FCRL1: variants seen among roughly 807,000 people sequenced by gnomAD.
FCRL1 encodes Fc receptor-like protein 1.
FCRL1 carries 34 observed loss-of-function variants against 49.2 expected under a neutral mutation model. That is an observed-to-expected ratio of 0.69 (90% CI 0.53 to 0.92). The LOEUF is 0.92. FCRL1 is among the 40% of genes least tolerant of loss of function. The pLI is 0.00. For missense variants in FCRL1, 524 were observed against 524.1 expected (o/e 1.00, Z 0.00); for synonymous variants, 218 against 201.6 (o/e 1.08, Z -0.69).
intron 1 of FCRL1, among the ~76,000 whole-genome samples, chr1:157,816,173 G>A (rs376648473): frequency 3.9e-5 from 6 of 151,976 alleles, no homozygotes; most frequent in African/African-American, 4.8e-5. Flanking sequence ...TGATATCTCC[G>A]ATAGACATAG....
chr1:157,816,278 T>C (rs1455956844), intron 1 of FCRL1, among the ~76,000 whole-genome samples: 2 of 151,920 alleles, frequency 1.3e-5, no homozygotes, highest in Non-Finnish European at 2.9e-5. Context: ...ATTTCAGGGA[T>C]GAAAGGATGG....
chr1:157,804,866 T>G (rs1281107912), intron 2 of FCRL1, among the ~76,000 whole-genome samples: 2 of 151,408 alleles, frequency 1.3e-5, no homozygotes, highest in African/African-American at 2.4e-5. Context: ...TCTTTTTTTT[T>G]TTTTCCTTTT....
intron 6 of FCRL1, 128 bp downstream of exon 6, chr1:157,801,333 G>C: frequency 1.4e-6 from 1 of 701,544 alleles, no homozygotes. Flanking sequence ...CGCTGGCTTT[G>C]TGGGCAGAAA....
chr1:157,805,199 T>C (rs1653225870), intron 2 of FCRL1, among the ~76,000 whole-genome samples: 3 of 152,150 alleles, frequency 2.0e-5, no homozygotes, highest in Admixed American at 6.5e-5. Context: ...AATTGTGCTC[T>C]GCTCTCTCCT....
intron 1 of FCRL1, among the ~76,000 whole-genome samples, chr1:157,809,276 C>A (rs1653947619): frequency 6.6e-6 from 1 of 151,978 alleles, no homozygotes; most frequent in African/African-American, 2.4e-5. Flanking sequence ...AAGATCCAAG[C>A]CAGATGCAGT....
chr1:157,814,295 A>G (rs563234318), intron 1 of FCRL1, among the ~76,000 whole-genome samples: 9 of 152,140 alleles, frequency 5.9e-5, no homozygotes, highest in Non-Finnish European at 1.2e-4. Flanking sequence ...GTTAAGAAAT[A>G]CACAATACAA....
chr1:157,807,601 T>G (rs759208610), intron 1 of FCRL1, among the ~76,000 whole-genome samples: 13 of 152,046 alleles, frequency 8.6e-5, no homozygotes, highest in Non-Finnish European at 1.6e-4. Context: ...GCAAGGAGAG[T>G]GCACAGCCTC....
intron 2 of FCRL1, among the ~76,000 whole-genome samples, chr1:157,805,010 C>A (rs1194821415): frequency 6.6e-6 from 1 of 152,074 alleles, no homozygotes; most frequent in Non-Finnish European, 1.5e-5. Flanking sequence ...CAGGCACATG[C>A]CACCAAGCCC....
At chr1:157,812,387 G>T (rs1654450474) in intron 1 of FCRL1, among the ~76,000 whole-genome samples, 1 of 152,080 alleles carries the variant, frequency 6.6e-6, no homozygotes, top group South Asian at 2.1e-4. Flanking sequence ...CAGAGCAGGG[G>T]CCACTACTGT....
At chr1:157,810,357 C>T (rs1285985547) in intron 1 of FCRL1, among the ~76,000 whole-genome samples, 1 of 150,736 alleles carries the variant, frequency 6.6e-6, no homozygotes, top group Non-Finnish European at 1.5e-5. Flanking sequence ...AATGCAGTGG[C>T]ATGATCTTGG....
intron 4 of FCRL1, 43 bp downstream of exon 4, chr1:157,802,334 C>T (rs753810194): frequency 6.3e-7 from 1 of 1,599,528 alleles, no homozygotes; most frequent in Non-Finnish European, 8.5e-7. Context: ...ATGTGGAGCC[C>T]AGTTTGTGAC....
intron 1 of FCRL1, among the ~76,000 whole-genome samples, chr1:157,819,190 C>T (rs1321466025): frequency 6.6e-6 from 1 of 152,084 alleles, no homozygotes; most frequent in East Asian, 1.9e-4. Flanking sequence ...GATAATGGAG[C>T]AACATGGACT....
intron 1 of FCRL1, among the ~76,000 whole-genome samples, chr1:157,811,713 G>A (rs940550782): frequency 1.3e-5 from 2 of 152,156 alleles, no homozygotes; most frequent in East Asian, 1.9e-4. Flanking sequence ...GGGGGCAGTA[G>A]TCACTGCATC....
chr1:157,801,950 G>GC lies in FCRL1; in HGVS notation c.850dup (p.Ala284GlyfsTer5). On this transcript the variant is annotated frameshift_variant, in exon 5 of 11. Coordinates refer to ENST00000368176, the MANE Select transcript of FCRL1 (RefSeq NM_052938.5). LOFTEE classifies it high-confidence loss of function. ...GAGTGTCACCGCCTCACTGCGCTGG[G>GC]CCCCCAGGCCATTGTTGGCCTCACA... is the stretch of plus-strand genomic sequence containing the variant. The GC allele has an allele frequency of 6.2e-7, 1 of 1,614,172 alleles. No homozygotes were observed. The highest frequency in any genetic ancestry group is 8.5e-7 in the Non-Finnish European group (1 of 1,180,004).
In FCRL1 at chr1:157,806,997, T is replaced by C. The variant is rs1571381320; in HGVS notation, c.52+105A>G. 2.4e-6 allele frequency: 3 copies of C among 1,270,804 alleles called. No individual in the cohort carries two copies. The African/African-American group carries it at 4.4e-5, about 19-fold the overall frequency. 78.7% of individuals were successfully genotyped at this position (1,270,804 alleles called of 1,614,324 possible). A position where few individuals can be genotyped will look rare whatever the true frequency, so the allele number is the denominator to read the frequency against. On this transcript the variant is annotated intron_variant, in intron 2 of 10. Coordinates refer to ENST00000368176, the MANE Select transcript of FCRL1 (RefSeq NM_052938.5). The stretch of plus-strand genomic sequence containing the variant: ...TCAGCAGCTGTCACCCTGATATGTT[T>C]TGGGCAGGAAGGGGCTGCTAAGACA...
At position 157,820,073 on chromosome 1, in the gene FCRL1, C is replaced by G. The variant is rs1191322288; in HGVS notation, c.-36G>C. On this transcript the variant is annotated 5_prime_UTR_variant, in exon 1 of 11. Transcript: ENST00000368176. Reference sequence around the variant, plus strand: ...TCAGGGATGGTACCTAGAGATGCCTCTCATCAAAAAAAGAATGCACCTCAG... The same window carrying G: ...TCAGGGATGGTACCTAGAGATGCCTGTCATCAAAAAAAGAATGCACCTCAG... The G allele has an allele frequency of 6.2e-7, 1 of 1,613,436 alleles. No homozygotes were observed. The highest frequency in any genetic ancestry group is 1.7e-5 in the Admixed American group (1 of 59,928).
intron 1 of FCRL1, among the ~76,000 whole-genome samples, chr1:157,810,992 G>T (rs1190072915): frequency 1.3e-5 from 2 of 151,936 alleles, no homozygotes; most frequent in Admixed American, 6.6e-5. Flanking sequence ...TGTTGCCCAG[G>T]CTGGTCTGAA....
intron 2 of FCRL1, among the ~76,000 whole-genome samples, chr1:157,804,853 TTTTC>T: frequency 7.2e-6 from 1 of 138,054 alleles, no homozygotes; most frequent in South Asian, 2.2e-4. Flanking sequence ...GCTCTTTTCT[TTTTC>T]TTTTTTTTTT....
At chr1:157,796,304 CTG>C (rs893017671) in intron 10 of FCRL1, 134 bp from the exon 11 acceptor site, 1 of 722,110 alleles carries the variant, frequency 1.4e-6, no homozygotes, top group Non-Finnish European at 2.4e-6. Flanking sequence ...TCTTGGAAAA[CTG>C]TGGTCCAAGG....
Sources: gnomAD v4.1 joint callset for allele counts (sites outside exome capture counted in the v4.1 genomes callset) on GRCh38, gnomAD v4.1.1 for gene constraint, MANE v1.5 for transcripts, NCBI Gene and HGNC (gene_info 2026-07-23, HGNC 2026-07-21) for gene names.